COL4A5: variants seen among roughly 807,000 people sequenced by gnomAD.
The protein encoded by COL4A5 is collagen type IV alpha 5 chain.
In COL4A5, 26 loss-of-function variants were observed where a neutral mutation model predicts 130.2. The observed-to-expected ratio is 0.20, with a 90% CI of 0.15 to 0.28. COL4A5 has a LOEUF of 0.28. Among genes scored for constraint, COL4A5 ranks in the 10% least tolerant of loss-of-function variants. The probability of loss-of-function intolerance (pLI) is 1.00; values close to 1 mark genes in which losing one functional copy is unlikely to be tolerated. For missense variants in COL4A5, 1,131 were observed against 1,344.3 expected, an observed-to-expected ratio of 0.84 and a Z score of 2.48; for synonymous variants, 496 against 439.6, an observed-to-expected ratio of 1.13 and a Z score of -1.60.
At chrX:108,668,547 A>G (rs754081952) in intron 41 of COL4A5, 43 bp downstream of exon 41, 21 of 1,032,193 alleles carry the variant, frequency 2.0e-5, no homozygotes, top group Non-Finnish European at 2.4e-5. Context: ...TTATTAGTCC[A>G]TGTATTTCGT....
chrX:108,483,549 C>A (rs760750664), intron 1 of COL4A5, among the ~76,000 whole-genome samples: 7 of 111,740 alleles, frequency 6.3e-5, no homozygotes, highest in Non-Finnish European at 9.4e-5. Flanking sequence ...TTTGGCAATA[C>A]CCTCACAGAC....
At chrX:108,446,178 AAAGT>A (rs1446262560) in intron 1 of COL4A5, among the ~76,000 whole-genome samples, 4 of 111,939 alleles carry the variant, frequency 3.6e-5, no homozygotes, top group African/African-American at 1.3e-4. Context: ...TTAAAATAAA[AAAGT>A]AAGTTGGGCT....
At chrX:108,661,212 G>A (rs888972724) in intron 37 of COL4A5, among the ~76,000 whole-genome samples, 2 of 111,642 alleles carry the variant, frequency 1.8e-5, no homozygotes, top group Non-Finnish European at 3.8e-5. Flanking sequence ...ACACATAACT[G>A]TATTTCTTCT....
intron 30 of COL4A5, among the ~76,000 whole-genome samples, chrX:108,619,228 A>G (rs1052981871): frequency 5.4e-5 from 6 of 111,884 alleles, no homozygotes; most frequent in Non-Finnish European, 9.4e-5. Flanking sequence ...GAAATATGAC[A>G]TAAAACAGAT....
At chrX:108,462,051 C>G (rs1296597899) in intron 1 of COL4A5, among the ~76,000 whole-genome samples, 1 of 111,408 alleles carries the variant, frequency 9.0e-6, no homozygotes, top group Non-Finnish European at 1.9e-5. Context: ...TATTCTGGAG[C>G]CTAAAGTTTC....
intron 1 of COL4A5, among the ~76,000 whole-genome samples, chrX:108,511,129 A>G (rs1235702364): frequency 2.7e-5 from 3 of 111,850 alleles, no homozygotes; most frequent in Non-Finnish European, 5.7e-5. Context: ...ACATTTATAA[A>G]TATATAATTC....
At chrX:108,565,884 C>A (rs1197817816) in intron 4 of COL4A5, among the ~76,000 whole-genome samples, 1 of 110,555 alleles carries the variant, frequency 9.0e-6, no homozygotes, top group Non-Finnish European at 1.9e-5. Context: ...AATCATACTG[C>A]AATAACATTA....
intron 36 of COL4A5, among the ~76,000 whole-genome samples, chrX:108,630,341 A>G (rs1460767374): frequency 9.0e-6 from 1 of 111,611 alleles, no homozygotes; most frequent in Non-Finnish European, 1.9e-5. Context: ...CTTCTTAATG[A>G]TCACCATTCT....
chrX:108,633,343 GT>G (rs1360391837), intron 36 of COL4A5, among the ~76,000 whole-genome samples: 1 of 110,827 alleles, frequency 9.0e-6, no homozygotes, highest in East Asian at 2.8e-4. Flanking sequence ...GATTTTCATG[GT>G]TTTTTTCTGT....
At chrX:108,617,062 C>T (rs2066942258) in intron 30 of COL4A5, among the ~76,000 whole-genome samples, 1 of 110,579 alleles carries the variant, frequency 9.0e-6, no homozygotes, top group Non-Finnish European at 1.9e-5. Flanking sequence ...ATTGAATTCA[C>T]TCTTAATATA....
chrX:108,487,797 A>G lies in COL4A5; in HGVS notation c.81+47591A>G, dbSNP rs185184427. On this transcript the variant is annotated intron_variant, in intron 1 of 52. Coordinates refer to ENST00000328300, the MANE Select transcript of COL4A5 (RefSeq NM_033380.3). ...TCCAAAAGGGAAAGCTCTTATAGCT[A>G]ATCAAGAAGTTTCAGTGGGGAAACT... 1.0e-3 allele frequency among the ~76,000 whole-genome samples: 112 copies of G among 112,394 alleles called. 4 individuals carry two copies. In the East Asian group the frequency reaches 0.03, roughly 30 times the overall value.
intron 19 of COL4A5, among the ~76,000 whole-genome samples, chrX:108,588,045 A>T (rs1416127869): frequency 9.0e-6 from 1 of 111,148 alleles, no homozygotes; most frequent in African/African-American, 3.3e-5. Context: ...TTAGAGCTCA[A>T]TACTGAGTTT....
At chrX:108,681,166 A>G (rs2068419663) in intron 46 of COL4A5, among the ~76,000 whole-genome samples, 1 of 111,522 alleles carries the variant, frequency 9.0e-6, no homozygotes, top group Non-Finnish European at 1.9e-5. Context: ...AAGTTAAGAT[A>G]AATGCAGGAT....
chrX:108,668,987 A>C lies in COL4A5; in HGVS notation c.3790+483A>C, dbSNP rs189763467. 4.4e-3 allele frequency among the ~76,000 whole-genome samples: 490 copies of C among 111,891 alleles called. 3 individuals are homozygous for C. The highest frequency in any genetic ancestry group is 7.3e-3 in the Admixed American group (77 of 10,541). On this transcript the variant is annotated intron_variant, in intron 41 of 52. Coordinates refer to ENST00000328300, the MANE Select transcript of COL4A5 (RefSeq NM_033380.3). ...CAAATCTCACCAGGCACAATTAAAA[A>C]AATTATCTTCTATAGGAACTGGGCA...
At chrX:108,657,438 A>G (rs2067865213) in intron 37 of COL4A5, among the ~76,000 whole-genome samples, 1 of 111,757 alleles carries the variant, frequency 8.9e-6, no homozygotes, top group African/African-American at 3.2e-5. Flanking sequence ...GGTAAGTACT[A>G]GAAATTTGTT....
chrX:108,635,136 G>T (rs1036582336), intron 36 of COL4A5, among the ~76,000 whole-genome samples: 1 of 111,100 alleles, frequency 9.0e-6, no homozygotes, highest in Admixed American at 9.6e-5. Context: ...TCAGTAGGCA[G>T]AAATTTGAGT....
intron 36 of COL4A5, among the ~76,000 whole-genome samples, chrX:108,647,147 A>G (rs1311527892): frequency 9.1e-6 from 1 of 110,372 alleles, no homozygotes; most frequent in Admixed American, 9.6e-5. Flanking sequence ...TGGGGATGGC[A>G]TTGAATCTAT....
intron 31 of COL4A5, among the ~76,000 whole-genome samples, chrX:108,621,001 G>GCT (rs769993018): frequency 6.4e-5 from 7 of 109,192 alleles, no homozygotes; most frequent in African/African-American, 2.0e-4. Context: ...CTTTTCTTTC[G>GCT]CTCTCTCTCT....
At chrX:108,486,385 A>G (rs1321827526) in intron 1 of COL4A5, among the ~76,000 whole-genome samples, 3 of 111,344 alleles carry the variant, frequency 2.7e-5, no homozygotes, top group Admixed American at 9.5e-5. Context: ...TTATTCTACT[A>G]TCTTGCTCCA....
Sources: allele counts gnomAD v4.1 joint callset (sites outside exome capture counted in the v4.1 genomes callset), GRCh38; gene constraint gnomAD v4.1.1; transcripts MANE v1.5; gene names NCBI Gene and HGNC (gene_info 2026-07-23, HGNC 2026-07-21).